The following COL5A3 variants were observed in gnomAD, a reference collection of about 807,000 sequenced individuals.
COL5A3 encodes collagen type V alpha 3 chain.
Under a neutral mutation model 250.0 loss-of-function variants are expected in COL5A3, and 172 were observed. The ratio of observed to expected loss-of-function variants is 0.69; its 90% CI spans 0.61 to 0.78. COL5A3 has a LOEUF of 0.78. Ranked by LOEUF, COL5A3 falls within the 30% of genes least tolerant of loss-of-function variation. COL5A3 has a pLI of 0.00. For synonymous variants in COL5A3, 937 were observed against 900.4 expected (o/e 1.04, Z -0.73); for missense variants, 2,340 against 2,334.4 (o/e 1.00, Z -0.05).
rs755508984 is a variant in COL5A3, at chr19:9,986,720, G to T, written c.2184C>A (p.Gly728=). The change falls in exon 28 of 67, where the codon GGC becomes GGA. Residue 728 remains glycine, a synonymous_variant. Coordinates refer to ENST00000264828, the MANE Select transcript of COL5A3 (RefSeq NM_015719.4). ...SGNRGLQGEK[G]EKGEDGFPGF... The stretch of plus-strand genomic sequence containing the variant: ...GAGTTCCTTCTCTCCTCACCTTCTC[G>T]CCTTTCTCCCCCTGGAGGCCCCGGT... 12 of 1,612,888 alleles carry T rather than the reference G, an allele frequency of 7.4e-6. No individual in the cohort carries two copies. The highest frequency in any genetic ancestry group is 1.0e-5 in the Non-Finnish European group (12 of 1,179,886).
chr19:10,000,064 A>G (rs527777282), intron 8 of COL5A3, among the ~76,000 whole-genome samples: 77 of 151,860 alleles, frequency 5.1e-4, no homozygotes, highest in Non-Finnish European at 1.0e-3. Flanking sequence ...GGCCTCAGTT[A>G]CCTCTTGATC....
At position 9,968,446 on chromosome 19, in the gene COL5A3, C is replaced by T. The variant is rs1225892079; in HGVS notation, c.4253G>A (p.Gly1418Asp). 1 of 1,587,966 alleles carries T rather than the reference C, an allele frequency of 6.3e-7. No homozygotes were observed. The highest frequency in any genetic ancestry group is 8.5e-7 in the Non-Finnish European group (1 of 1,173,566). ...IGLIGPPGEA[G>D]EKGDQGLPGV... is the part of the protein sequence containing the mutation. The stretch of plus-strand genomic sequence containing the variant: ...TGGCAACCCCTGATCTCCTTTCTCA[C>T]CAGCTTCTCCCGGGGGGCCAATGAG... The change falls in exon 59 of 67, where the codon GGT (glycine) becomes GAT (aspartate). Residue 1418 changes from glycine to aspartate, a missense_variant. Gly to Asp is a moderately conservative substitution (Grantham distance 94, BLOSUM62 -1). Around this residue, in one of 3 missense-constraint regions of COL5A3, gnomAD observed 1,179 missense variants for 1,162.6 expected, o/e 1.01. Coordinates refer to ENST00000264828, the MANE Select transcript of COL5A3 (RefSeq NM_015719.4). This position sits in a 1 kb window ranked among gnomAD's most constrained non-coding sequence, Gnocchi z 4.1.
chr19:9,971,080 T>A, intron 52 of COL5A3, 52 bp from the exon 53 acceptor site: 2 of 1,469,834 alleles, frequency 1.4e-6, no homozygotes, highest in Non-Finnish European at 1.8e-6. Flanking sequence ...ACGTGAGAAT[T>A]TGGGATGGGG....
intron 41 of COL5A3, among the ~76,000 whole-genome samples, chr19:9,977,985 T>TATATA: frequency 7.6e-6 from 1 of 131,900 alleles, no homozygotes; most frequent in Non-Finnish European, 1.7e-5. Flanking sequence ...TATATATATA[T>TATATA]TTGTAGAGAC....
Position 9,986,325 on chromosome 19 carries a change from G to A in COL5A3, c.2342C>T (p.Ala781Val). 6.4e-7 allele frequency: 1 copy of A among 1,572,710 alleles called. No individual in the cohort carries two copies. Residue 781 changes from alanine to valine, a missense_variant, in exon 30 of 67, where the codon GCT becomes GTT. Around this residue, in one of 3 missense-constraint regions of COL5A3, gnomAD observed 1,152 missense variants for 1,146.3 expected, o/e 1.00. Coordinates refer to ENST00000264828, the MANE Select transcript of COL5A3 (RefSeq NM_015719.4). ...TGGAGAGTCATTTACCTTCTCCCCA[G>A]CTGAGCCTGGGGGCCCCTCCTCGCC... is the stretch of plus-strand genomic sequence containing the variant. ...QAGEEGPPGS[A>V]GEKGKLGVPG... is the part of the protein sequence containing the mutation.
In COL5A3 at chr19:10,004,109, G is replaced by C; in HGVS notation, c.631C>G (p.Gln211Glu). 6.2e-7 allele frequency: 1 copy of C among 1,614,068 alleles called. No homozygotes were observed. The highest frequency in any genetic ancestry group is 8.5e-7 in the Non-Finnish European group (1 of 1,179,978). ...IQELLISPDP[Q>E]AAFQACERYL... ...CGCTCACAAGCCTGGAAGGCAGCCTGAGGATCTGGGCTTATCAGCAGCTCC... is the reference window on the plus strand; with the variant it reads ...CGCTCACAAGCCTGGAAGGCAGCCTCAGGATCTGGGCTTATCAGCAGCTCC... The change falls in exon 5 of 67, where the codon CAG (glutamine) becomes GAG (glutamate). Residue 211 changes from glutamine to glutamate, a missense_variant. By Grantham distance (29) the Gln-to-Glu change is conservative (BLOSUM62 2). Coordinates refer to ENST00000264828, the MANE Select transcript of COL5A3 (RefSeq NM_015719.4).
rs745314388 is a variant in COL5A3, at chr19:9,993,705, T to C, written c.1642-33A>G. ...GAGACACCAGTGAGCCTTGACCCCATAAGCCTGACAGCTCCCACCAAGTCT... is the reference window on the plus strand; with the variant it reads ...GAGACACCAGTGAGCCTTGACCCCACAAGCCTGACAGCTCCCACCAAGTCT... On this transcript the variant is annotated intron_variant, in intron 17 of 66. Coordinates refer to ENST00000264828, the MANE Select transcript of COL5A3 (RefSeq NM_015719.4). 15 of 1,613,872 alleles carry C rather than the reference T, an allele frequency of 9.3e-6. No individual in the cohort carries two copies. In the South Asian group the frequency reaches 1.6e-4, roughly 18 times the overall value.
Position 9,973,682 on chromosome 19 carries a change from C to T in COL5A3, c.3613-59G>A, listed in dbSNP as rs1327808645. The T allele has an allele frequency of 3.7e-6, 6 of 1,610,838 alleles. No individual in the cohort carries two copies. The African/African-American group carries it at 8.0e-5, about 22-fold the overall frequency. ...CCATCCTAGCAGACAGGGAGGGGCT[C>T]CCCAGAATGTCCCTGCCCAATAGGA... On this transcript the variant is annotated intron_variant, in intron 49 of 66. Transcript: ENST00000264828.
intron 8 of COL5A3, among the ~76,000 whole-genome samples, chr19:9,999,095 C>T (rs2087315909): frequency 6.7e-6 from 1 of 150,012 alleles, no homozygotes; most frequent in Admixed American, 6.7e-5. Context: ...TTCAGAGTCA[C>T]TCTATTGCCC....
chr19:9,996,382 G>C, intron 13 of COL5A3, 51 bp downstream of exon 13: 2 of 1,595,460 alleles, frequency 1.3e-6, no homozygotes, highest in Non-Finnish European at 1.7e-6. Flanking sequence ...TTACGCCGAG[G>C]CTCTATCACT....
rs544577492 is a variant in COL5A3, at chr19:9,977,929, T to C, written c.3019-228A>G. On this transcript the variant is annotated intron_variant, in intron 41 of 66. Coordinates refer to ENST00000264828, the MANE Select transcript of COL5A3 (RefSeq NM_015719.4). ...ATCTCACTTAGAACAAAAGCCATAG[T>C]CCTCCTGGCAGCCTATACATATATA... 1.2e-3 allele frequency among the ~76,000 whole-genome samples: 172 copies of C among 143,238 alleles called. 1 individual carries two copies. Among genetic ancestry groups the C allele is most frequent in the Non-Finnish European group, 7.7e-4 (51 of 66,012 alleles). 94.0% of individuals were successfully genotyped at this position (143,238 alleles called of 152,430 possible). A position where few individuals can be genotyped will look rare whatever the true frequency, so the allele number is the denominator to read the frequency against.
chr19:9,998,297 A>G (rs1242959139), intron 8 of COL5A3, 148 bp from the exon 9 acceptor site: 1 of 786,040 alleles, frequency 1.3e-6, no homozygotes, highest in East Asian at 2.6e-5. Flanking sequence ...TACTGTAACC[A>G]ATATGCACTG....
chr19:9,982,422 A>G (rs1027256451), intron 31 of COL5A3, among the ~76,000 whole-genome samples: 10 of 151,968 alleles, frequency 6.6e-5, no homozygotes, highest in Non-Finnish European at 1.5e-4. Context: ...ACCTCCTTAG[A>G]ATGCCTTTCT....
In COL5A3 at chr19:9,973,045, G is replaced by A. The variant is rs760458976; in HGVS notation, c.3667-19C>T. 2 of 1,589,184 alleles carry A rather than the reference G, an allele frequency of 1.3e-6. No homozygotes were observed. Among genetic ancestry groups the A allele is most frequent in the Non-Finnish European group, 1.7e-6 (2 of 1,165,442 alleles). ...TGGGCCCCTTTACAGAAAGAGGTCA[G>A]AGGTCAGAGTGGCCTGGACTCTCCA... On this transcript the variant is annotated intron_variant, in intron 50 of 66. Transcript: ENST00000264828.
chr19:9,981,958 A>G (rs1481861052), intron 32 of COL5A3, 107 bp downstream of exon 32: 2 of 831,918 alleles, frequency 2.4e-6, no homozygotes, highest in African/African-American at 1.7e-5. Flanking sequence ...CAAATGTTCC[A>G]GGCATAGACA....
intron 16 of COL5A3, among the ~76,000 whole-genome samples, chr19:9,994,988 A>G (rs79292525): frequency 3.9e-5 from 6 of 151,922 alleles, no homozygotes; most frequent in Admixed American, 2.6e-4. Flanking sequence ...GCTCACTGCA[A>G]CCTCTGCTTC....
At chr19:9,993,289 C>T in intron 19 of COL5A3, 91 bp downstream of exon 19, 1 of 1,422,072 alleles carries the variant, frequency 7.0e-7, no homozygotes, top group South Asian at 1.2e-5. Flanking sequence ...CTCAAGCTGG[C>T]CACTGAGACC....
intron 30 of COL5A3, 107 bp from the exon 31 acceptor site, chr19:9,986,002 G>T: frequency 1.0e-6 from 1 of 992,558 alleles, no homozygotes; most frequent in Non-Finnish European, 1.6e-6. Context: ...GATGGGAGTT[G>T]GGGAAACGAG....
chr19:9,987,563 CTCA>C (rs1454706273), intron 27 of COL5A3, among the ~76,000 whole-genome samples: 1 of 151,170 alleles, frequency 6.6e-6, no homozygotes, highest in Non-Finnish European at 1.5e-5. Context: ...ACAGGAAAAC[CTCA>C]TCTATACAAA....
Sources: allele counts gnomAD v4.1 joint callset (sites outside exome capture counted in the v4.1 genomes callset), GRCh38; gene constraint gnomAD v4.1.1; regional missense constraint gnomAD v4.1.1; non-coding constraint Gnocchi (gnomAD v3.1); transcripts MANE v1.5; gene names NCBI Gene and HGNC (gene_info 2026-07-23, HGNC 2026-07-21).